The following AFAP1L1 variants were observed in gnomAD, a reference collection of about 807,000 sequenced individuals.
AFAP1L1 encodes the protein actin filament-associated protein 1-like 1.
A neutral mutation model predicts 99.8 loss-of-function variants in AFAP1L1; 77 were observed. The ratio of observed to expected loss-of-function variants is 0.77; its 90% CI spans 0.64 to 0.93. The LOEUF (loss-of-function observed/expected upper bound fraction) is 0.93. Among genes scored for constraint, AFAP1L1 ranks in the 40% least tolerant of loss-of-function variants. AFAP1L1 has a pLI of 0.00. For synonymous variants in AFAP1L1, 373 were observed against 395.3 expected (o/e 0.94, Z 0.67); for missense variants, 893 against 996.8 (o/e 0.90, Z 1.40).
chr5:149,297,759 C>T (rs530164247), intron 1 of AFAP1L1, among the ~76,000 whole-genome samples: 4 of 152,234 alleles, frequency 2.6e-5, no homozygotes, highest in African/African-American at 9.6e-5. Context: ...CTGAGCAGGC[C>T]CCAGACCAGA....
chr5:149,290,158 G>T (rs550972529), intron 1 of AFAP1L1, among the ~76,000 whole-genome samples: 1 of 152,182 alleles, frequency 6.6e-6, no homozygotes, highest in African/African-American at 2.4e-5. Context: ...GCTTGAACCC[G>T]GGAGGCAGAG....
chr5:149,307,818 T>TTCTTTCTCTCTCTCTCTCTCTC (rs1756473593), intron 7 of AFAP1L1, among the ~76,000 whole-genome samples: 1 of 100,504 alleles, frequency 9.9e-6, no homozygotes, highest in African/African-American at 4.0e-5. Context: ...GTGCCTCTCT[T>TTCTTTCTCTCTCTCTCTCTCTC]TCTCTCTCTC....
chr5:149,303,117 A>G (rs963492413), intron 5 of AFAP1L1, among the ~76,000 whole-genome samples: 27 of 152,268 alleles, frequency 1.8e-4, no homozygotes, highest in Non-Finnish European at 3.2e-4. Flanking sequence ...CATATCTTTT[A>G]ATAAATTCCA....
intron 1 of AFAP1L1, among the ~76,000 whole-genome samples, chr5:149,284,006 G>A (rs1755602343): frequency 6.6e-6 from 1 of 152,226 alleles, no homozygotes; most frequent in African/African-American, 2.4e-5. Flanking sequence ...GTCCATCAAA[G>A]AGAATATATA....
At chr5:149,312,376 T>C in intron 9 of AFAP1L1, 172 bp downstream of exon 9, 2 of 695,448 alleles carry the variant, frequency 2.9e-6, no homozygotes, top group Non-Finnish European at 5.2e-6. Flanking sequence ...CCTGAATTCA[T>C]GAATGCATGA....
chr5:149,300,393 C>A, intron 3 of AFAP1L1, 39 bp downstream of exon 3: 5 of 1,567,602 alleles, frequency 3.2e-6, no homozygotes, highest in Non-Finnish European at 4.4e-6. Context: ...CGGAGCCATC[C>A]CTCTTTCCCT....
At position 149,333,210 on chromosome 5, in the gene AFAP1L1, A is replaced by G. The variant is rs4705070; in HGVS notation, c.2154+337A>G. 5.2e-3 allele frequency among the ~76,000 whole-genome samples: 788 copies of G among 152,336 alleles called. 3 individuals are homozygous for G. The highest frequency in any genetic ancestry group is 5.6e-3 in the Non-Finnish European group (380 of 68,034). On this transcript the variant is annotated intron_variant, in intron 17 of 18. Coordinates refer to ENST00000296721, the MANE Select transcript of AFAP1L1 (RefSeq NM_152406.4). ...TAACAAACATGTGTGATCCATTACT[A>G]TAGGCATCTTAACCTGTATTATCTC... is the stretch of plus-strand genomic sequence containing the variant.
chr5:149,318,030 G>A, intron 12 of AFAP1L1, 90 bp downstream of exon 12: 1 of 1,417,226 alleles, frequency 7.1e-7, no homozygotes, highest in South Asian at 1.4e-5. Context: ...CCTTGCTACT[G>A]ACACCATGGG....
At chr5:149,331,334 A>G (rs1757251791) in intron 16 of AFAP1L1, among the ~76,000 whole-genome samples, 1 of 152,202 alleles carries the variant, frequency 6.6e-6, no homozygotes, top group Non-Finnish European at 1.5e-5. Flanking sequence ...ATAAAAATAA[A>G]TTGAGGCTGG....
intron 9 of AFAP1L1, among the ~76,000 whole-genome samples, chr5:149,315,278 C>T (rs961667376): frequency 1.3e-5 from 2 of 152,140 alleles, no homozygotes; most frequent in Non-Finnish European, 2.9e-5. Flanking sequence ...ATAATGGACT[C>T]CTGCTGGTCA....
chr5:149,310,185 C>G (rs781772197), intron 8 of AFAP1L1, 50 bp downstream of exon 8: 1 of 1,509,534 alleles, frequency 6.6e-7, no homozygotes. Context: ...TTCTCTCTTC[C>G]CCAAGCCAGC....
chr5:149,321,046 G>A (rs753716337), intron 14 of AFAP1L1, among the ~76,000 whole-genome samples: 5 of 152,330 alleles, frequency 3.3e-5, no homozygotes, highest in Non-Finnish European at 7.3e-5. Flanking sequence ...CCAATCAGAC[G>A]CTGGTGGGTG....
At chr5:149,325,884 G>A (rs1446841813) in intron 15 of AFAP1L1, among the ~76,000 whole-genome samples, 1 of 152,168 alleles carries the variant, frequency 6.6e-6, no homozygotes, top group East Asian at 1.9e-4. Context: ...CATCCATGAA[G>A]GCAAAGCCCT....
chr5:149,302,557 G>T, intron 5 of AFAP1L1, 31 bp downstream of exon 5: 2 of 1,540,766 alleles, frequency 1.3e-6, no homozygotes, highest in South Asian at 2.4e-5. Context: ...TGGGGCTGGG[G>T]ACTTCCTGTC....
intron 1 of AFAP1L1, among the ~76,000 whole-genome samples, chr5:149,296,895 A>G (rs1052021028): frequency 1.3e-5 from 2 of 152,222 alleles, no homozygotes; most frequent in Admixed American, 6.5e-5. Context: ...CATCCTTCAC[A>G]TGGTGGCAAC....
At position 149,322,614 on chromosome 5, in the gene AFAP1L1, G is replaced by T; in HGVS notation, c.1707G>T (p.Glu569Asp). The T allele has an allele frequency of 1.3e-6, 2 of 1,574,716 alleles. No individual in the cohort carries two copies. The highest frequency in any genetic ancestry group is 1.7e-6 in the Non-Finnish European group (2 of 1,158,810). Reference protein sequence around the residue: ...DVPYEKMQDEEPERPTGAQVK... With the variant: ...DVPYEKMQDEDPERPTGAQVK... ...CCTCCATCTCCCACCAGGACGAGGA[G>T]CCCGAGCGCCCCACAGGGGCCCAGG... The change falls in exon 15 of 19, where the codon GAG (glutamate) becomes GAT (aspartate). Residue 569 changes from glutamate to aspartate, a missense_variant. Coordinates refer to ENST00000296721, the MANE Select transcript of AFAP1L1 (RefSeq NM_152406.4).
At chr5:149,288,967 C>T (rs1322050346) in intron 1 of AFAP1L1, among the ~76,000 whole-genome samples, 1 of 152,204 alleles carries the variant, frequency 6.6e-6, no homozygotes, top group Non-Finnish European at 1.5e-5. Context: ...CCATGACCAC[C>T]CTGTCTTCCT....
At chr5:149,289,711 G>A (rs1271952208) in intron 1 of AFAP1L1, among the ~76,000 whole-genome samples, 1 of 152,206 alleles carries the variant, frequency 6.6e-6, no homozygotes, top group Non-Finnish European at 1.5e-5. Flanking sequence ...AAGAGTCTGT[G>A]GGCAGGGGAA....
chr5:149,289,918 G>A (rs575236324), intron 1 of AFAP1L1, among the ~76,000 whole-genome samples: 1 of 152,284 alleles, frequency 6.6e-6, no homozygotes, highest in African/African-American at 2.4e-5. Context: ...GTGTAAGTGG[G>A]GGTAATCCAC....
Sources: gnomAD v4.1 joint callset for allele counts (sites outside exome capture counted in the v4.1 genomes callset) on GRCh38, gnomAD v4.1.1 for gene constraint, MANE v1.5 for transcripts, NCBI Gene and HGNC (gene_info 2026-07-23, HGNC 2026-07-21) for gene names.